Variants in RPS6KA2 observed in about 807,000 individuals in gnomAD.
The protein encoded by RPS6KA2 is ribosomal protein S6 kinase alpha-2.
Under a neutral mutation model 91.8 loss-of-function variants are expected in RPS6KA2, and 42 were observed. The ratio of observed to expected loss-of-function variants is 0.46; its 90% CI spans 0.36 to 0.59. The LOEUF (loss-of-function observed/expected upper bound fraction) is 0.59. Ranked by LOEUF, RPS6KA2 falls within the 20% of genes least tolerant of loss-of-function variation. The pLI is 0.00. For synonymous variants in RPS6KA2, 414 were observed against 393.6 expected (o/e 1.05, Z -0.61); for missense variants, 798 against 978.5 (o/e 0.82, Z 2.46).
chr6:166,712,648 C>G (rs1789897326), intron 2 of RPS6KA2, among the ~76,000 whole-genome samples: 1 of 152,176 alleles, frequency 6.6e-6, no homozygotes, highest in African/African-American at 2.4e-5. Flanking sequence ...GCCTCTCACG[C>G]CATGATGAGG....
intron 1 of RPS6KA2, among the ~76,000 whole-genome samples, chr6:166,543,681 G>C (rs1169602484): frequency 6.6e-6 from 1 of 152,144 alleles, no homozygotes; most frequent in South Asian, 2.1e-4. Context: ...TTACCCCCTT[G>C]GAACCTCGTC....
intron 2 of RPS6KA2, among the ~76,000 whole-genome samples, chr6:166,766,577 G>A (rs75394350): frequency 0.018 from 2,674 of 152,272 alleles, 76 homozygotes; most frequent in African/African-American, 0.061. Flanking sequence ...AAACTTTGAT[G>A]TACTGTTTTT....
chr6:166,728,352 C>T (rs1376210628), intron 2 of RPS6KA2, among the ~76,000 whole-genome samples: 2 of 152,220 alleles, frequency 1.3e-5, no homozygotes, highest in Non-Finnish European at 2.9e-5. Context: ...ATTCCCATGA[C>T]CTGGACGCAG....
Position 166,632,481 on chromosome 6 carries a change from G to A in RPS6KA2, c.124-93697C>T, listed in dbSNP as rs137974881. Among the ~76,000 whole-genome samples the A allele has an allele frequency of 3.0e-3, 461 of 152,062 alleles. 1 individual carries two copies. Among genetic ancestry groups the A allele is most frequent in the Admixed American group, 8.1e-3 (124 of 15,286 alleles). ...TACAAAATTAGCCGGGCATGGTGGCGCATGCCTGTAATCCCAGCTACTCGG... is the reference window on the plus strand; with the variant it reads ...TACAAAATTAGCCGGGCATGGTGGCACATGCCTGTAATCCCAGCTACTCGG... On this transcript the variant is annotated intron_variant, in intron 2 of 21. Coordinates refer to the RPS6KA2 transcript ENST00000503859.
chr6:166,498,084 G>A (rs545287276), intron 8 of RPS6KA2, among the ~76,000 whole-genome samples: 9 of 141,514 alleles, frequency 6.4e-5, no homozygotes, highest in East Asian at 2.8e-4. Context: ...CTGCGAAAAC[G>A]CGACAGAGAC....
rs75286811 is a variant in RPS6KA2, at chr6:166,444,586, C to T, written c.1332+4138G>A. 2.8e-3 allele frequency among the ~76,000 whole-genome samples: 430 copies of T among 152,328 alleles called. 2 individuals are homozygous for T. Among genetic ancestry groups the T allele is most frequent in the Non-Finnish European group, 3.5e-3 (241 of 68,022 alleles). ...CCATCAGAGCACTGGCTGGGGGCAC[C>T]GGCAGAATGCGCTGCATCAAGTCCA... On this transcript the variant is annotated intron_variant, in intron 14 of 20. Coordinates refer to ENST00000265678, the MANE Select transcript of RPS6KA2 (RefSeq NM_021135.6).
intron 8 of RPS6KA2, among the ~76,000 whole-genome samples, chr6:166,496,138 C>A (rs79282306): frequency 1.9e-3 from 296 of 152,234 alleles, no homozygotes; most frequent in African/African-American, 6.6e-3. Context: ...ACTGCCTGAG[C>A]TTGGGGGTTC....
intron 2 of RPS6KA2, among the ~76,000 whole-genome samples, chr6:166,774,042 CT>C (rs1439727261): frequency 1.3e-5 from 2 of 151,478 alleles, no homozygotes; most frequent in Admixed American, 1.3e-4. Context: ...TGGATTGAAT[CT>C]TTTTTTTTAA....
rs545706322 is a variant in RPS6KA2 at position 166,575,716 on chromosome 6, G to A, written c.100-36932C>T. 3.3e-5 allele frequency among the ~76,000 whole-genome samples: 5 copies of A among 152,220 alleles called. No homozygotes were observed. In the East Asian group the frequency reaches 9.6e-4, roughly 29 times the overall value. On this transcript the variant is annotated intron_variant, in intron 1 of 20. Coordinates refer to ENST00000265678, the MANE Select transcript of RPS6KA2 (RefSeq NM_021135.6). ...GAGCTGAATGGAAGGACACTAATGG[G>A]TCCACTGCCTCTTTATCAATGGGAA...
intron 2 of RPS6KA2, among the ~76,000 whole-genome samples, chr6:166,803,099 T>C (rs148699700): frequency 1.9e-4 from 29 of 152,312 alleles, no homozygotes; most frequent in African/African-American, 6.0e-4. Flanking sequence ...TGCAAACTAA[T>C]TGGAATCTAA....
chr6:166,850,913 A>C (rs975396336), intron 2 of RPS6KA2, among the ~76,000 whole-genome samples: 1 of 152,108 alleles, frequency 6.6e-6, no homozygotes, highest in Non-Finnish European at 1.5e-5. Flanking sequence ...TTGACCCATG[A>C]CCTGACTGCA....
chr6:166,862,528 A>C, exon 1 of RPS6KA2: 2 of 349,428 alleles, frequency 5.7e-6, no homozygotes, highest in Non-Finnish European at 9.9e-6. Flanking sequence ...GGCAGAGTAA[A>C]CGCTGCACTT....
intron 2 of RPS6KA2, among the ~76,000 whole-genome samples, chr6:166,663,931 C>A (rs1788240590): frequency 6.6e-6 from 1 of 152,226 alleles, no homozygotes; most frequent in South Asian, 2.1e-4. Flanking sequence ...CTGTGGGACT[C>A]CACAAACCAC....
intron 2 of RPS6KA2, among the ~76,000 whole-genome samples, chr6:166,751,541 G>A (rs1453372450): frequency 6.6e-6 from 1 of 152,258 alleles, no homozygotes; most frequent in Non-Finnish European, 1.5e-5. Flanking sequence ...TGGCGACAGG[G>A]GCTTGAGGCT....
At chr6:166,832,721 T>A (rs2128627014) in intron 2 of RPS6KA2, among the ~76,000 whole-genome samples, 1 of 152,342 alleles carries the variant, frequency 6.6e-6, no homozygotes, top group Middle Eastern at 3.4e-3. Flanking sequence ...CTTTTGATGT[T>A]CAATGTCATT....
intron 1 of RPS6KA2, chr6:166,586,411 C>G (rs1785176357): frequency 6.3e-7 from 1 of 1,599,996 alleles, no homozygotes; most frequent in Admixed American, 1.7e-5. Context: ...TACTCCTTGT[C>G]ATTTTCTGTG....
At position 166,566,161 on chromosome 6, in the gene RPS6KA2, G is replaced by C. The variant is rs111287545; in HGVS notation, c.100-27377C>G. On this transcript the variant is annotated intron_variant, in intron 1 of 20. Transcript: ENST00000265678. ...ACAGAAAGGGAACAGACCTACTCCC[G>C]GGCTCCTGGGACGTGATGGCCTTGG... Among the ~76,000 whole-genome samples, 1,136 of 152,310 alleles carry C rather than the reference G, an allele frequency of 7.5e-3. 14 individuals are homozygous for C. Among genetic ancestry groups the C allele is most frequent in the African/African-American group, 0.025 (1,055 of 41,562 alleles).
At chr6:166,690,512 G>A (rs185546390) in intron 2 of RPS6KA2, among the ~76,000 whole-genome samples, 145 of 152,318 alleles carry the variant, frequency 9.5e-4, no homozygotes, top group African/African-American at 3.4e-3. Context: ...CACAGTTCTC[G>A]GGATTCTTCA....
intron 3 of RPS6KA2, among the ~76,000 whole-genome samples, chr6:166,527,716 C>T (rs1397708276): frequency 6.6e-6 from 1 of 152,166 alleles, no homozygotes; most frequent in Non-Finnish European, 1.5e-5. Flanking sequence ...TCCCACCTCT[C>T]TCACCCCCCA....
Sources: gnomAD v4.1 joint callset for allele counts (sites outside exome capture counted in the v4.1 genomes callset) on GRCh38, gnomAD v4.1.1 for gene constraint, MANE v1.5 for transcripts, NCBI Gene and HGNC (gene_info 2026-07-23, HGNC 2026-07-21) for gene names.